DOCK1: variants seen among roughly 807,000 people sequenced by gnomAD.
The protein encoded by DOCK1 is dedicator of cytokinesis 1, also known as dedicator of cytokinesis protein 1.
In DOCK1, 138 loss-of-function variants were observed where a neutral mutation model predicts 262.7. The ratio of observed to expected loss-of-function variants is 0.53; its 90% CI spans 0.46 to 0.61. DOCK1 has a LOEUF of 0.61. DOCK1 is among the 20% of genes least tolerant of loss of function. The pLI, the probability that DOCK1 is intolerant of heterozygous loss-of-function variation, is 0.00. For synonymous variants in DOCK1, 866 were observed against 867.4 expected, an observed-to-expected ratio of 1.00 and a Z score of 0.03; for missense variants, 1,908 against 2,370.7, an observed-to-expected ratio of 0.80 and a Z score of 4.05.
chr10:127,341,797 A>G (rs1254383637), intron 30 of DOCK1, among the ~76,000 whole-genome samples: 1 of 152,204 alleles, frequency 6.6e-6, no homozygotes, highest in African/African-American at 2.4e-5. Flanking sequence ...GCCCCTTGGC[A>G]GGTGTGACAC....
intron 27 of DOCK1, among the ~76,000 whole-genome samples, chr10:127,208,731 G>A (rs2134306507): frequency 6.6e-6 from 1 of 152,216 alleles, no homozygotes; most frequent in South Asian, 2.1e-4. Flanking sequence ...CTTCATTGTG[G>A]ATTAGCACCC....
chr10:127,057,888 C>G (rs1283187728), intron 22 of DOCK1, among the ~76,000 whole-genome samples: 1 of 152,128 alleles, frequency 6.6e-6, no homozygotes, highest in Non-Finnish European at 1.5e-5. Context: ...AGACAAAGAT[C>G]CTGTCATTCC....
chr10:126,912,554 GTC>G (rs1213493000), intron 1 of DOCK1, among the ~76,000 whole-genome samples: 1 of 149,608 alleles, frequency 6.7e-6, no homozygotes, highest in Non-Finnish European at 1.5e-5. Flanking sequence ...GTGAAACCCT[GTC>G]TCTACTAAAA....
At chr10:127,336,465 A>ACTTT (rs1264238343) in intron 29 of DOCK1, among the ~76,000 whole-genome samples, 1 of 151,946 alleles carries the variant, frequency 6.6e-6, no homozygotes, top group African/African-American at 2.4e-5. Flanking sequence ...TCAGCCCTGC[A>ACTTT]CTTTCTCAGT....
intron 15 of DOCK1, 83 bp from the exon 16 acceptor site, chr10:127,026,269 T>G: frequency 7.9e-7 from 1 of 1,259,162 alleles, no homozygotes; most frequent in East Asian, 2.5e-5. Flanking sequence ...TTTACAGTTG[T>G]ACCTGATAGC....
At chr10:127,156,107 T>C (rs2053017603) in intron 27 of DOCK1, among the ~76,000 whole-genome samples, 1 of 152,266 alleles carries the variant, frequency 6.6e-6, no homozygotes, top group South Asian at 2.1e-4. Context: ...GTGTGAATTC[T>C]AAGCTTATAG....
chr10:127,090,052 G>A (rs1159282742), intron 23 of DOCK1, among the ~76,000 whole-genome samples: 1 of 152,172 alleles, frequency 6.6e-6, no homozygotes, highest in Non-Finnish European at 1.5e-5. Flanking sequence ...CTTGTTTAAG[G>A]GGTGGGAGGT....
intron 29 of DOCK1, among the ~76,000 whole-genome samples, chr10:127,269,932 G>A (rs2060500294): frequency 6.6e-6 from 1 of 152,222 alleles, no homozygotes; most frequent in African/African-American, 2.4e-5. Flanking sequence ...ATGAATGCCA[G>A]CTCCTGACCA....
intron 27 of DOCK1, among the ~76,000 whole-genome samples, chr10:127,163,865 A>G (rs2053817441): frequency 6.9e-6 from 1 of 144,194 alleles, no homozygotes; most frequent in Non-Finnish European, 1.5e-5. Flanking sequence ...AAACACCCTT[A>G]ATGAACTCAG....
At chr10:127,211,261 T>C (rs757212783) in intron 27 of DOCK1, among the ~76,000 whole-genome samples, 1 of 152,214 alleles carries the variant, frequency 6.6e-6, no homozygotes, top group Non-Finnish European at 1.5e-5. Flanking sequence ...ATGTCTCATC[T>C]ATCAGGCAAG....
intron 1 of DOCK1, among the ~76,000 whole-genome samples, chr10:126,939,397 T>G (rs1191625736): frequency 6.6e-6 from 1 of 152,224 alleles, no homozygotes; most frequent in Non-Finnish European, 1.5e-5. Flanking sequence ...TTTTCAAGAT[T>G]GTTTTGGCTA....
Position 126,995,502 on chromosome 10 carries a change from T to C in DOCK1, c.474-1246T>C, listed in dbSNP as rs963863025. On this transcript the variant is annotated intron_variant, in intron 6 of 51. Coordinates refer to ENST00000623213, the MANE Select transcript of DOCK1 (RefSeq NM_001290223.2). This position sits in a 1 kb window ranked among gnomAD's most constrained non-coding sequence, Gnocchi z 5.8. ...AAAAAATACGAAAACCAGTCAGGTGTGGCGGCGCGCGCCTGCAATCCCAGG... is the reference window on the plus strand; with the variant it reads ...AAAAAATACGAAAACCAGTCAGGTGCGGCGGCGCGCGCCTGCAATCCCAGG... 2.0e-5 allele frequency among the ~76,000 whole-genome samples: 3 copies of C among 152,188 alleles called. No homozygotes were observed. The highest frequency in any genetic ancestry group is 2.9e-5 in the Non-Finnish European group (2 of 68,040).
chr10:127,096,898 A>G (rs2047940788), intron 23 of DOCK1, among the ~76,000 whole-genome samples: 2 of 152,052 alleles, frequency 1.3e-5, no homozygotes, highest in African/African-American at 4.8e-5. Context: ...CGAGGTCAGG[A>G]GTTCAACACC....
Position 126,946,470 on chromosome 10 carries a change from C to T in DOCK1, c.47-24232C>T, listed in dbSNP as rs1027676705. ...GCTGAGGCAGGAGAATCGCTTGACC[C>T]GGAAGGCGGAGGTTGCAGTGAGCTG... On this transcript the variant is annotated intron_variant, in intron 1 of 51. Transcript: ENST00000623213. Among the ~76,000 whole-genome samples, 38 of 152,142 alleles carry T rather than the reference C, an allele frequency of 2.5e-4. No homozygotes were observed. In the East Asian group the frequency reaches 3.9e-3, roughly 15 times the overall value.
intron 47 of DOCK1, among the ~76,000 whole-genome samples, chr10:127,429,001 G>GGGTGCCGTGTGGATTGC (rs2069075476): frequency 7.3e-6 from 1 of 136,266 alleles, no homozygotes; most frequent in South Asian, 2.5e-4. Flanking sequence ...GTGTGGATTG[G>GGGTGCCGTGTGGATTGC]GATGCCGTGT....
chr10:127,379,139 T>G (rs909505142), intron 35 of DOCK1, among the ~76,000 whole-genome samples: 2 of 152,226 alleles, frequency 1.3e-5, no homozygotes, highest in Non-Finnish European at 2.9e-5. Context: ...CTCTGATGTT[T>G]CCTTACCTTA....
intron 29 of DOCK1, among the ~76,000 whole-genome samples, chr10:127,321,712 C>A (rs1189294507): frequency 1.5e-5 from 2 of 137,362 alleles, no homozygotes; most frequent in African/African-American, 6.3e-5. Context: ...TTCAGCCAAA[C>A]CCCTCCCCCC....
intron 32 of DOCK1, among the ~76,000 whole-genome samples, chr10:127,361,396 G>T (rs543327118): frequency 1.3e-5 from 2 of 152,150 alleles, no homozygotes; most frequent in Non-Finnish European, 2.9e-5. Flanking sequence ...TTACAGGCGT[G>T]AGCCACCACA....
chr10:127,236,783 CCAT>C (rs1439071364), intron 27 of DOCK1, among the ~76,000 whole-genome samples: 2 of 151,942 alleles, frequency 1.3e-5, no homozygotes, highest in Admixed American at 6.6e-5. Flanking sequence ...TTCTTCATCA[CCAT>C]CATCATCACC....
Sources: gnomAD v4.1 joint callset for allele counts (sites outside exome capture counted in the v4.1 genomes callset) on GRCh38, gnomAD v4.1.1 for gene constraint, Gnocchi (gnomAD v3.1) non-coding constraint, MANE v1.5 for transcripts, NCBI Gene and HGNC (gene_info 2026-07-23, HGNC 2026-07-21) for gene names.